The following RBM20 variants were observed in gnomAD, a reference collection of about 807,000 sequenced individuals.
RBM20 encodes the protein RNA binding motif protein 20.
Under a neutral mutation model 110.1 loss-of-function variants are expected in RBM20, and 51 were observed. The ratio of observed to expected loss-of-function variants is 0.46; its 90% CI spans 0.37 to 0.59. The LOEUF (loss-of-function observed/expected upper bound fraction) is 0.59. Among genes scored for constraint, RBM20 ranks in the 20% least tolerant of loss-of-function variants. The pLI is 0.00. For synonymous variants in RBM20, 589 were observed against 618.2 expected (o/e 0.95, Z 0.70); for missense variants, 1,512 against 1,574.9 (o/e 0.96, Z 0.68).
In RBM20 at chr10:110,701,992, G is replaced by A. The variant is rs534426596; in HGVS notation, c.191+57347G>A. Among the ~76,000 whole-genome samples, 15 of 152,292 alleles carry A rather than the reference G, an allele frequency of 9.8e-5. No individual in the cohort carries two copies. In the South Asian group the frequency reaches 2.5e-3, roughly 25 times the overall value. On this transcript the variant is annotated intron_variant, in intron 1 of 13. Transcript: ENST00000369519. ...GGAGCTGGGACAATTGTGTGAAGCA[G>A]GACGTGATTGCGTGGTCTTGTTTCA... is the stretch of plus-strand genomic sequence containing the variant.
intron 12 of RBM20, 104 bp from the exon 13 acceptor site, chr10:110,830,957 G>C (rs1041634323): frequency 2.0e-5 from 23 of 1,148,142 alleles, no homozygotes; most frequent in Non-Finnish European, 1.1e-5. Flanking sequence ...GCAAGTGAGG[G>C]GTGGAGCTCG....
intron 1 of RBM20, among the ~76,000 whole-genome samples, chr10:110,688,733 G>A (rs926216347): frequency 6.6e-6 from 1 of 152,046 alleles, no homozygotes; most frequent in African/African-American, 2.4e-5. Flanking sequence ...CATAACCATG[G>A]TACATTTTTC....
At chr10:110,688,276 G>A (rs746138732) in intron 1 of RBM20, among the ~76,000 whole-genome samples, 4 of 152,128 alleles carry the variant, frequency 2.6e-5, no homozygotes, top group Non-Finnish European at 5.9e-5. Context: ...ATGAGAGGCT[G>A]TTTGCAGTCT....
chr10:110,746,569 C>G (rs948256948), intron 1 of RBM20, among the ~76,000 whole-genome samples: 4 of 152,144 alleles, frequency 2.6e-5, no homozygotes, highest in African/African-American at 9.7e-5. Flanking sequence ...TCAGTCGACC[C>G]CGAGTATTTC....
In RBM20 at chr10:110,660,131, A is replaced by G. The variant is rs191677698; in HGVS notation, c.191+15486A>G. Among the ~76,000 whole-genome samples, 300 of 152,214 alleles carry G rather than the reference A, an allele frequency of 2.0e-3. 5 individuals carry two copies. The highest frequency in any genetic ancestry group is 0.016 in the Admixed American group (246 of 15,286). On this transcript the variant is annotated intron_variant, in intron 1 of 13. Coordinates refer to ENST00000369519, the MANE Select transcript of RBM20 (RefSeq NM_001134363.3). ...CCATGCTTGGCCTCAAGCAATTTCT[A>G]AAATAACACAAATCAAGACAACAGC...
intron 1 of RBM20, among the ~76,000 whole-genome samples, chr10:110,718,816 A>G (rs1257231932): frequency 6.6e-6 from 1 of 151,920 alleles, no homozygotes; most frequent in African/African-American, 2.4e-5. Context: ...GGGTTTCACC[A>G]TGTTGGCCAG....
chr10:110,730,391 C>T (rs1843608652), intron 1 of RBM20, among the ~76,000 whole-genome samples: 2 of 152,214 alleles, frequency 1.3e-5, no homozygotes, highest in African/African-American at 4.8e-5. Flanking sequence ...ATCCCCCGAC[C>T]TCCTTTCTTG....
At chr10:110,728,874 C>A (rs1236834175) in intron 1 of RBM20, among the ~76,000 whole-genome samples, 3 of 152,300 alleles carry the variant, frequency 2.0e-5, no homozygotes, top group Admixed American at 2.0e-4. Context: ...CTGAGCGATG[C>A]TGCTCTGTTT....
chr10:110,817,357 C>G (rs535822126), intron 9 of RBM20, among the ~76,000 whole-genome samples: 1 of 152,246 alleles, frequency 6.6e-6, no homozygotes, highest in Non-Finnish European at 1.5e-5. Flanking sequence ...TCTAGAAGCC[C>G]CAGAGTGTAA....
At chr10:110,711,826 G>A (rs986071618) in intron 1 of RBM20, among the ~76,000 whole-genome samples, 1 of 152,206 alleles carries the variant, frequency 6.6e-6, no homozygotes, top group East Asian at 1.9e-4. Flanking sequence ...TTTTGCAAAT[G>A]TGCTCTCTTC....
chr10:110,698,389 G>A (rs1424922365), intron 1 of RBM20, among the ~76,000 whole-genome samples: 1 of 152,222 alleles, frequency 6.6e-6, no homozygotes, highest in African/African-American at 2.4e-5. Flanking sequence ...GGCCCCTGGG[G>A]AGGCCAGAAG....
chr10:110,688,502 G>A (rs1590618370), intron 1 of RBM20, among the ~76,000 whole-genome samples: 1 of 152,234 alleles, frequency 6.6e-6, no homozygotes, highest in Admixed American at 6.5e-5. Flanking sequence ...TTTACACGTT[G>A]ATGTCCCAAC....
chr10:110,760,970 C>T (rs1455081852), intron 1 of RBM20, among the ~76,000 whole-genome samples: 1 of 150,510 alleles, frequency 6.6e-6, no homozygotes, highest in Non-Finnish European at 1.5e-5. Context: ...GTGGTGGGCA[C>T]CTGTAATCTC....
At chr10:110,661,748 A>G (rs184010759) in intron 1 of RBM20, among the ~76,000 whole-genome samples, 95 of 152,162 alleles carry the variant, frequency 6.2e-4, no homozygotes, top group African/African-American at 2.1e-3. Flanking sequence ...GGTGGCTCAC[A>G]CCTGTAATCC....
At chr10:110,772,379 G>T (rs1844204890) in intron 1 of RBM20, among the ~76,000 whole-genome samples, 1 of 152,346 alleles carries the variant, frequency 6.6e-6, no homozygotes, top group Admixed American at 6.5e-5. Flanking sequence ...TGCAACACAT[G>T]CCTCTGAACG....
intron 1 of RBM20, among the ~76,000 whole-genome samples, chr10:110,729,924 G>A (rs941320191): frequency 8.5e-5 from 13 of 152,198 alleles, no homozygotes; most frequent in South Asian, 2.1e-4. Context: ...CAAGTGATTC[G>A]CCTGCCTCAG....
chr10:110,681,715 G>C (rs891324663), intron 1 of RBM20, among the ~76,000 whole-genome samples: 1 of 152,168 alleles, frequency 6.6e-6, no homozygotes, highest in Admixed American at 6.5e-5. Context: ...GTTCCTGTAT[G>C]CTTTTTACCC....
intron 11 of RBM20, chr10:110,822,474 A>G (rs1279204442): frequency 1.1e-5 from 5 of 456,840 alleles, no homozygotes; most frequent in African/African-American, 1.0e-4. Flanking sequence ...CTCTCACTCC[A>G]TTGGAGGTGA....
chr10:110,781,756 A>G lies in RBM20; in HGVS notation c.1147A>G (p.Lys383Glu), dbSNP rs942286262. 6.4e-7 allele frequency: 1 copy of G among 1,551,878 alleles called. No individual in the cohort carries two copies. The highest frequency in any genetic ancestry group is 1.2e-5 in the South Asian group (1 of 84,066). Residue 383 changes from lysine to glutamate, a missense_variant, in exon 2 of 14, where the codon AAG becomes GAG. Physicochemically the swap from Lys to Glu is moderately conservative, Grantham distance 56 (BLOSUM62 1). Coordinates refer to ENST00000369519, the MANE Select transcript of RBM20 (RefSeq NM_001134363.3). ...TTTTATCGGTGCTGGGCGGAGGGCC[A>G]AGGAGGACCAGGCGTTGCTATCTGT... ...QGFIGAGRRA[K>E]EDQALLSVRP... is the part of the protein sequence containing the mutation.
Sources: allele counts gnomAD v4.1 joint callset (sites outside exome capture counted in the v4.1 genomes callset), GRCh38; gene constraint gnomAD v4.1.1; transcripts MANE v1.5; gene names NCBI Gene and HGNC (gene_info 2026-07-23, HGNC 2026-07-21).